ADAM22: variants seen among roughly 807,000 people sequenced by gnomAD.
ADAM22 encodes disintegrin and metalloproteinase domain-containing protein 22.
ADAM22 carries 65 observed loss-of-function variants against 144.6 expected under a neutral mutation model. The ratio of observed to expected loss-of-function variants is 0.45; its 90% CI spans 0.37 to 0.55. The LOEUF (loss-of-function observed/expected upper bound fraction) is 0.55. Among genes scored for constraint, ADAM22 ranks in the 20% least tolerant of loss-of-function variants. The pLI is 0.00. For missense variants in ADAM22, 974 were observed against 1,184.9 expected (o/e 0.82, Z 2.61); for synonymous variants, 391 against 412.6 (o/e 0.95, Z 0.63).
At chr7:88,155,301 T>A (rs1839626656) in intron 21 of ADAM22, among the ~76,000 whole-genome samples, 2 of 150,184 alleles carry the variant, frequency 1.3e-5, no homozygotes, top group South Asian at 4.2e-4. Context: ...AGGAGGGAGG[T>A]TGCTTGGGGT....
At chr7:87,957,175 G>A (rs1470826329) in intron 2 of ADAM22, among the ~76,000 whole-genome samples, 1 of 152,104 alleles carries the variant, frequency 6.6e-6, no homozygotes, top group Non-Finnish European at 1.5e-5. Flanking sequence ...ATCAACATGT[G>A]CCTCCTTGTA....
intron 26 of ADAM22, among the ~76,000 whole-genome samples, chr7:88,178,679 C>T (rs1217625004): frequency 6.6e-6 from 1 of 151,994 alleles, no homozygotes; most frequent in Non-Finnish European, 1.5e-5. Context: ...TGAAAACACT[C>T]ATATTTTCAT....
At chr7:88,002,063 A>G (rs1322633675) in intron 3 of ADAM22, among the ~76,000 whole-genome samples, 2 of 152,274 alleles carry the variant, frequency 1.3e-5, no homozygotes, top group Middle Eastern at 3.4e-3. Context: ...CAAGTAGTCA[A>G]ATATGATGCA....
At chr7:87,985,096 A>G (rs6465126) in intron 3 of ADAM22, among the ~76,000 whole-genome samples, 89,208 of 150,580 alleles carry the variant, frequency 0.59, 27,428 homozygotes, top group African/African-American at 0.76. Flanking sequence ...GGCGGATCAC[A>G]AGGTCAGGAG....
chr7:87,937,861 C>T (rs994454671), intron 2 of ADAM22, among the ~76,000 whole-genome samples: 2 of 152,184 alleles, frequency 1.3e-5, no homozygotes, highest in African/African-American at 2.4e-5. Context: ...TATTACAAAA[C>T]GTTATCCCAG....
rs537420752 is a variant in ADAM22, at chr7:87,939,562, T to C, written c.246+4376T>C. Among the ~76,000 whole-genome samples, 128 of 152,316 alleles carry C rather than the reference T, an allele frequency of 8.4e-4. 2 individuals are homozygous for C. The highest frequency in any genetic ancestry group is 2.8e-3 in the African/African-American group (118 of 41,574). ...TCACTAGTAAATGTTCACATAATCT[T>C]TAAGAATCATAAGAACTTAGTAAAT... On this transcript the variant is annotated intron_variant, in intron 2 of 31. Coordinates refer to ENST00000413139, the MANE Select transcript of ADAM22 (RefSeq NM_001324418.2).
intron 3 of ADAM22, among the ~76,000 whole-genome samples, chr7:88,054,588 CTGTGTGTGTGTGTGTG>C (rs58027941): frequency 1.5e-5 from 2 of 132,170 alleles, no homozygotes; most frequent in Admixed American, 7.6e-5. Context: ...AGGTGCCCTC[CTGTGTGTGTGTGTGTG>C]TGTGTGTGTG....
intron 3 of ADAM22, among the ~76,000 whole-genome samples, chr7:87,983,361 G>T (rs1399246007): frequency 6.6e-6 from 1 of 151,936 alleles, no homozygotes; most frequent in Non-Finnish European, 1.5e-5. Context: ...CAGTATTTTT[G>T]TTTTTATAGG....
intron 26 of ADAM22, among the ~76,000 whole-genome samples, chr7:88,177,982 G>C (rs564781827): frequency 2.6e-5 from 4 of 152,208 alleles, no homozygotes; most frequent in African/African-American, 9.6e-5. Context: ...TCAAGTTTTA[G>C]GTGCAGTTGG....
intron 3 of ADAM22, among the ~76,000 whole-genome samples, chr7:88,046,094 G>C (rs993055952): frequency 6.6e-6 from 1 of 152,130 alleles, no homozygotes; most frequent in African/African-American, 2.4e-5. Context: ...AAGGGGGAGT[G>C]CTGGATCATA....
intron 30 of ADAM22, among the ~76,000 whole-genome samples, chr7:88,192,113 G>C (rs1226818059): frequency 1.3e-5 from 2 of 152,100 alleles, no homozygotes; most frequent in East Asian, 3.9e-4. Context: ...AACATTCCCA[G>C]GCTGGATCAG....
chr7:88,135,168 C>T (rs567963252), intron 13 of ADAM22, among the ~76,000 whole-genome samples: 2 of 148,748 alleles, frequency 1.3e-5, no homozygotes, highest in East Asian at 4.0e-4. Context: ...GTACCAGCTA[C>T]TCGGGAGGCT....
chr7:87,982,670 CATATATATATATATAT>C (rs3086405), intron 3 of ADAM22, among the ~76,000 whole-genome samples: 1 of 38,114 alleles, frequency 2.6e-5, no homozygotes, highest in Non-Finnish European at 4.8e-5. Context: ...TCAGTTATTA[CATATATATATATATAT>C]ATATATATAT....
chr7:87,994,284 G>A (rs952087168), intron 3 of ADAM22, among the ~76,000 whole-genome samples: 3 of 151,374 alleles, frequency 2.0e-5, no homozygotes, highest in Non-Finnish European at 2.9e-5. Context: ...CCTCAGCCTC[G>A]TGAGTAGCTG....
intron 4 of ADAM22, among the ~76,000 whole-genome samples, chr7:88,097,151 C>CTTTTT (rs1169759079): frequency 1.9e-4 from 24 of 129,196 alleles, no homozygotes; most frequent in Non-Finnish European, 2.3e-4. Context: ...TTTTTCTTTT[C>CTTTTT]TTTTTTTTTT....
chr7:88,146,965 T>C (rs1035072598), intron 17 of ADAM22, among the ~76,000 whole-genome samples: 1 of 152,248 alleles, frequency 6.6e-6, no homozygotes, highest in African/African-American at 2.4e-5. Flanking sequence ...CTGTCAGCTT[T>C]TTCCACTGCC....
chr7:88,172,510 G>A (rs1844589029), intron 26 of ADAM22, among the ~76,000 whole-genome samples: 1 of 151,858 alleles, frequency 6.6e-6, no homozygotes, highest in South Asian at 2.1e-4. Context: ...TGAATAAGGT[G>A]TATAAATGTG....
chr7:88,127,839 A>G (rs1226169021), intron 8 of ADAM22, among the ~76,000 whole-genome samples: 1 of 152,070 alleles, frequency 6.6e-6, no homozygotes, highest in African/African-American at 2.4e-5. Context: ...TGATTATATT[A>G]TAGGCTAACT....
chr7:88,057,482 T>A (rs1808595101), intron 3 of ADAM22, among the ~76,000 whole-genome samples: 1 of 152,228 alleles, frequency 6.6e-6, no homozygotes, highest in African/African-American at 2.4e-5. Context: ...AAGCTTTAAT[T>A]AAGTTTTGAA....
Sources: allele counts gnomAD v4.1 joint callset (sites outside exome capture counted in the v4.1 genomes callset), GRCh38; gene constraint gnomAD v4.1.1; transcripts MANE v1.5; gene names NCBI Gene and HGNC (gene_info 2026-07-23, HGNC 2026-07-21).